PHF24: variants seen among roughly 807,000 people sequenced by gnomAD.
PHF24 encodes the protein Galpha inhibitory interacting protein.
Under a neutral mutation model 42.6 loss-of-function variants are expected in PHF24, and 25 were observed. The observed-to-expected ratio is 0.59, with a 90% CI of 0.43 to 0.82. PHF24 has a LOEUF of 0.82. Among genes scored for constraint, PHF24 ranks in the 40% least tolerant of loss-of-function variants. PHF24 has a pLI of 0.00. For synonymous variants in PHF24, 185 were observed against 204.8 expected (o/e 0.90, Z 0.83); for missense variants, 470 against 538.1 (o/e 0.87, Z 1.25).
chr9:34,878,594 C>T, the PHF24 span, among the ~76,000 whole-genome samples: 5 of 152,218 alleles, frequency 3.3e-5, no homozygotes, highest in Admixed American at 6.5e-5. Flanking sequence ...GAGGGTCCCA[C>T]GCCCATGGAG....
chr9:34,701,195 C>T, the PHF24 span, among the ~76,000 whole-genome samples: 2 of 152,112 alleles, frequency 1.3e-5, no homozygotes, highest in Non-Finnish European at 2.9e-5. This position sits in a 1 kb window ranked among gnomAD's most constrained non-coding sequence, Gnocchi z 5.8. Context: ...GCCAAATCCC[C>T]GCCCCAGGGG....
the PHF24 span, chr9:34,726,679 C>T: frequency 1.3e-6 from 2 of 1,551,576 alleles, no homozygotes; most frequent in South Asian, 2.4e-5. Flanking sequence ...CATACGTTGA[C>T]TGGGCAGCTG....
chr9:34,903,733 A>G, the PHF24 span, among the ~76,000 whole-genome samples: 1 of 152,230 alleles, frequency 6.6e-6, no homozygotes, highest in East Asian at 1.9e-4. Context: ...CAGTGACACT[A>G]GCACCTGAGA....
the PHF24 span, among the ~76,000 whole-genome samples, chr9:34,687,058 G>A: frequency 6.6e-6 from 1 of 152,030 alleles, no homozygotes; most frequent in East Asian, 1.9e-4. Context: ...TGGTATGGTT[G>A]GGGGGTGGGA....
exon 8 of PHF24, chr9:34,978,421 C>T (rs1286201285): frequency 9.2e-6 from 3 of 327,852 alleles, no homozygotes; most frequent in Non-Finnish European, 1.7e-5. Flanking sequence ...CTGTCCATGC[C>T]TTCAGAAGCC....
At chr9:34,733,603 C>T in the PHF24 span, among the ~76,000 whole-genome samples, 4 of 151,538 alleles carry the variant, frequency 2.6e-5, no homozygotes, top group South Asian at 2.1e-4. Context: ...TGGGCTCAAG[C>T]GATCTTCCCA....
chr9:34,976,469 G>A lies in PHF24; in HGVS notation c.644-66G>A, dbSNP rs1827188682. On this transcript the variant is annotated intron_variant, in intron 4 of 7. Coordinates refer to ENST00000242315, the Ensembl canonical transcript of PHF24. ...GTTTGGGGGCCCCGAGGGTGCCCTG[G>A]AGGTGATGGAGGTGCCCTGAGGCTG... The A allele has an allele frequency of 3.3e-6, 5 of 1,535,204 alleles. No homozygotes were observed. The Admixed American group carries it at 7.0e-5, about 22-fold the overall frequency.
At chr9:34,817,948 T>C in the PHF24 span, among the ~76,000 whole-genome samples, 2 of 152,250 alleles carry the variant, frequency 1.3e-5, no homozygotes, top group African/African-American at 4.8e-5. Flanking sequence ...TTTATTCCAA[T>C]ACCACACTGG....
the PHF24 span, among the ~76,000 whole-genome samples, chr9:34,887,792 A>G: frequency 6.6e-6 from 1 of 152,026 alleles, no homozygotes; most frequent in South Asian, 2.1e-4. Flanking sequence ...TCTTCCTCCC[A>G]GGCATGCTCC....
the PHF24 span, among the ~76,000 whole-genome samples, chr9:34,850,750 A>G: frequency 1.3e-5 from 2 of 152,026 alleles, no homozygotes; most frequent in Non-Finnish European, 2.9e-5. Flanking sequence ...TTGGTCTTTG[A>G]TGATGGTGAT....
the PHF24 span, among the ~76,000 whole-genome samples, chr9:34,761,150 T>C: frequency 1.3e-5 from 2 of 152,186 alleles, no homozygotes; most frequent in Non-Finnish European, 2.9e-5. Context: ...AAAAATGCCA[T>C]TAAGAGTATT....
upstream of PHF24, among the ~76,000 whole-genome samples, chr9:34,956,209 G>T (rs1826367107): frequency 6.6e-6 from 1 of 152,116 alleles, no homozygotes; most frequent in South Asian, 2.1e-4. Flanking sequence ...ACTCTTATTT[G>T]CACCCTTTCT....
At chr9:34,725,818 G>A in the PHF24 span, 1 of 1,550,006 alleles carries the variant, frequency 6.5e-7, no homozygotes, top group Non-Finnish European at 8.7e-7. Flanking sequence ...GGGGGAAGGA[G>A]AGCTCATTGA....
chr9:34,937,207 A>T, the PHF24 span, among the ~76,000 whole-genome samples: 1 of 152,222 alleles, frequency 6.6e-6, no homozygotes, highest in Non-Finnish European at 1.5e-5. Context: ...TGGAATAGAA[A>T]GGGGGAAAGG....
chr9:34,724,743 C>T, the PHF24 span: 2 of 1,551,770 alleles, frequency 1.3e-6, no homozygotes. Flanking sequence ...ATACACTGTT[C>T]TTCAAATGAA....
the PHF24 span, among the ~76,000 whole-genome samples, chr9:34,713,153 T>C: frequency 6.6e-6 from 1 of 152,216 alleles, no homozygotes; most frequent in African/African-American, 2.4e-5. Flanking sequence ...AAGTGTGTAT[T>C]CTTTGTTTTG....
chr9:34,699,329 C>G, the PHF24 span, among the ~76,000 whole-genome samples: 1 of 152,202 alleles, frequency 6.6e-6, no homozygotes, highest in Non-Finnish European at 1.5e-5. Context: ...ACAGCCCCAA[C>G]CAGGGATGGT....
the PHF24 span, among the ~76,000 whole-genome samples, chr9:34,721,615 TGG>T: frequency 6.6e-6 from 1 of 152,200 alleles, no homozygotes; most frequent in African/African-American, 2.4e-5. Flanking sequence ...TTCACCATGT[TGG>T]CCAGGCTGGT....
the PHF24 span, among the ~76,000 whole-genome samples, chr9:34,676,351 A>G: frequency 6.6e-6 from 1 of 152,106 alleles, no homozygotes; most frequent in Non-Finnish European, 1.5e-5. Flanking sequence ...TGGGGAAACC[A>G]CATCTCTACA....
Sources: gnomAD v4.1 joint callset for allele counts (sites outside exome capture counted in the v4.1 genomes callset) on GRCh38, gnomAD v4.1.1 for gene constraint, Gnocchi (gnomAD v3.1) non-coding constraint, MANE v1.5 for transcripts, NCBI Gene and HGNC (gene_info 2026-07-23, HGNC 2026-07-21) for gene names.